Variants in PAK5 observed in about 807,000 individuals in gnomAD.
PAK5 encodes serine/threonine-protein kinase PAK 5.
PAK5 carries 16 observed loss-of-function variants against 65.9 expected under a neutral mutation model. That is an observed-to-expected ratio of 0.24 (90% confidence interval 0.16 to 0.37). The LOEUF (loss-of-function observed/expected upper bound fraction) is 0.37, where lower values mean the gene tolerates loss of function less well. PAK5 is among the 10% of genes least tolerant of loss of function. The probability of loss-of-function intolerance (pLI) is 1.00; values close to 1 mark genes in which losing one functional copy is unlikely to be tolerated. For synonymous variants in PAK5, 371 were observed against 354.9 expected (o/e 1.05, Z -0.51); for missense variants, 785 against 903.9 (o/e 0.87, Z 1.69).
intron 2 of PAK5, among the ~76,000 whole-genome samples, chr20:9,671,459 G>A (rs1268507712): frequency 1.7e-4 from 26 of 152,002 alleles, no homozygotes; most frequent in African/African-American, 5.5e-4. Flanking sequence ...TTGAGCAGTG[G>A]TTTGTAGTTC....
intron 7 of PAK5, among the ~76,000 whole-genome samples, chr20:9,555,041 C>T (rs2045485576): frequency 6.6e-6 from 1 of 152,138 alleles, no homozygotes. Context: ...TATTTATCAC[C>T]CCTTGTTTGG....
At chr20:9,697,573 G>T (rs2047885932) in intron 2 of PAK5, among the ~76,000 whole-genome samples, 1 of 152,038 alleles carries the variant, frequency 6.6e-6, no homozygotes, top group African/African-American at 2.4e-5. Context: ...TCCAACACTT[G>T]TTAGCTAGCA....
intron 1 of PAK5, among the ~76,000 whole-genome samples, chr20:9,832,906 A>G (rs765081034): frequency 1.3e-5 from 2 of 152,308 alleles, no homozygotes; most frequent in Admixed American, 6.5e-5. Flanking sequence ...GCTATCATGA[A>G]CTGTCATGTC....
intron 7 of PAK5, among the ~76,000 whole-genome samples, chr20:9,552,355 A>C (rs2045441795): frequency 6.6e-6 from 1 of 152,210 alleles, no homozygotes; most frequent in East Asian, 1.9e-4. Context: ...GGCCAAGGAA[A>C]GGTCATGATG....
intron 2 of PAK5, among the ~76,000 whole-genome samples, chr20:9,700,043 C>A (rs2047920141): frequency 6.6e-6 from 1 of 152,152 alleles, no homozygotes; most frequent in Admixed American, 6.5e-5. Flanking sequence ...TAGAATCACA[C>A]ATACATACAT....
At chr20:9,653,733 G>A (rs1275181960) in intron 2 of PAK5, among the ~76,000 whole-genome samples, 2 of 152,126 alleles carry the variant, frequency 1.3e-5, no homozygotes, top group African/African-American at 4.8e-5. Context: ...CTTAGATAAT[G>A]CAATGTATTT....
chr20:9,600,846 G>A (rs1603241883), intron 3 of PAK5, among the ~76,000 whole-genome samples: 1 of 87,122 alleles, frequency 1.1e-5, no homozygotes, highest in Admixed American at 1.0e-4. Flanking sequence ...GGGGAGAAAG[G>A]AGAACGGTTA....
intron 7 of PAK5, among the ~76,000 whole-genome samples, chr20:9,550,659 A>G (rs2045412455): frequency 6.6e-6 from 1 of 152,132 alleles, no homozygotes; most frequent in African/African-American, 2.4e-5. Context: ...GATATTTTTA[A>G]AAAGAATCTA....
At chr20:9,651,966 A>C (rs1600199238) in intron 2 of PAK5, among the ~76,000 whole-genome samples, 1 of 152,246 alleles carries the variant, frequency 6.6e-6, no homozygotes, top group Non-Finnish European at 1.5e-5. Flanking sequence ...GACATGGTAG[A>C]AAGAATAAGA....
intron 1 of PAK5, among the ~76,000 whole-genome samples, chr20:9,805,412 T>A (rs1204010705): frequency 1.3e-5 from 2 of 152,074 alleles, no homozygotes; most frequent in African/African-American, 4.8e-5. Context: ...ACACAAAAAC[T>A]TATACAAAGC....
intron 2 of PAK5, among the ~76,000 whole-genome samples, chr20:9,692,075 A>G (rs2047805329): frequency 6.6e-6 from 1 of 152,210 alleles, no homozygotes; most frequent in South Asian, 2.1e-4. Flanking sequence ...CTAATTGTTC[A>G]AACTTTGCTG....
intron 3 of PAK5, among the ~76,000 whole-genome samples, chr20:9,591,546 T>G (rs920054728): frequency 2.6e-5 from 4 of 152,008 alleles, no homozygotes; most frequent in African/African-American, 9.7e-5. Flanking sequence ...ATAATTAGCC[T>G]TTAAAGCAAC....
intron 2 of PAK5, among the ~76,000 whole-genome samples, chr20:9,684,155 G>A (rs1316563435): frequency 6.6e-6 from 1 of 152,174 alleles, no homozygotes; most frequent in Admixed American, 6.5e-5. Flanking sequence ...ATAGAAGGTA[G>A]CCAACTGTGA....
In PAK5 at chr20:9,612,185, C is replaced by T. The variant is rs186924718; in HGVS notation, c.205-31255G>A. Among the ~76,000 whole-genome samples the T allele has an allele frequency of 5.3e-5, 8 of 152,304 alleles. No individual in the cohort carries two copies. The East Asian group carries it at 9.6e-4, about 18-fold the overall frequency. On this transcript the variant is annotated intron_variant, in intron 3 of 9. Transcript: ENST00000353224. ...CTCAATGAGGCCCGTCCTCTGGGGCCGCCCTGCCCTCAGCTCCTACACGCG... is the reference window on the plus strand; with the variant it reads ...CTCAATGAGGCCCGTCCTCTGGGGCTGCCCTGCCCTCAGCTCCTACACGCG...
intron 3 of PAK5, among the ~76,000 whole-genome samples, chr20:9,643,220 G>A (rs1177060894): frequency 1.3e-5 from 2 of 152,166 alleles, no homozygotes; most frequent in East Asian, 1.9e-4. Context: ...TGTAGATTAT[G>A]AAACTCTGGA....
chr20:9,636,640 A>T (rs2046986176), intron 3 of PAK5, among the ~76,000 whole-genome samples: 1 of 152,222 alleles, frequency 6.6e-6, no homozygotes, highest in African/African-American at 2.4e-5. Context: ...AAGGGATGGT[A>T]AATAAGGATC....
At chr20:9,715,909 G>C (rs899961071) in intron 1 of PAK5, among the ~76,000 whole-genome samples, 2 of 142,970 alleles carry the variant, frequency 1.4e-5, no homozygotes, top group African/African-American at 5.2e-5. Context: ...GGTTGGGGGA[G>C]GGGGGAGGGA....
intron 1 of PAK5, among the ~76,000 whole-genome samples, chr20:9,724,131 G>C (rs1458816150): frequency 6.6e-6 from 1 of 152,124 alleles, no homozygotes; most frequent in Non-Finnish European, 1.5e-5. Context: ...CAAAATCGAG[G>C]TTATTTACTT....
intron 1 of PAK5, among the ~76,000 whole-genome samples, chr20:9,719,942 T>G (rs2048195032): frequency 2.0e-5 from 3 of 152,214 alleles, no homozygotes; most frequent in Admixed American, 1.3e-4. Flanking sequence ...AACTTAAATT[T>G]AATCTGACAC....
Sources: allele counts gnomAD v4.1 joint callset (sites outside exome capture counted in the v4.1 genomes callset), GRCh38; gene constraint gnomAD v4.1.1; transcripts MANE v1.5; gene names NCBI Gene and HGNC (gene_info 2026-07-23, HGNC 2026-07-21).